The following PYGB variants were observed in gnomAD, a reference collection of about 807,000 sequenced individuals.
The protein encoded by PYGB is glycogen phosphorylase, brain form.
In PYGB, 82 loss-of-function variants were observed where a neutral mutation model predicts 94.3. The ratio of observed to expected loss-of-function variants is 0.87; its 90% CI spans 0.73 to 1.04. The LOEUF (loss-of-function observed/expected upper bound fraction) is 1.04, where lower values mean the gene tolerates loss of function less well. PYGB is among the 50% of genes least tolerant of loss of function. The pLI is 0.00. For synonymous variants in PYGB, 488 were observed against 479.1 expected (o/e 1.02, Z -0.24); for missense variants, 1,132 against 1,158.2 (o/e 0.98, Z 0.33).
intron 4 of PYGB, among the ~76,000 whole-genome samples, chr20:25,273,514 T>G (rs2088284598): frequency 6.6e-6 from 1 of 152,200 alleles, no homozygotes; most frequent in South Asian, 2.1e-4. Context: ...AGACTTGATC[T>G]CATTTCAGTT....
intron 15 of PYGB, 84 bp downstream of exon 15, chr20:25,288,567 A>G: frequency 6.8e-7 from 1 of 1,469,158 alleles, no homozygotes; most frequent in Non-Finnish European, 9.4e-7. Context: ...TCATGGTGCC[A>G]CCACATCCAT....
chr20:25,254,070 T>G (rs2092896086), intron 1 of PYGB, among the ~76,000 whole-genome samples: 1 of 79,158 alleles, frequency 1.3e-5, no homozygotes, highest in Non-Finnish European at 2.3e-5. Context: ...AGACTCTGTC[T>G]CAAAAAAAAA....
At chr20:25,252,488 T>G (rs2092890847) in intron 1 of PYGB, among the ~76,000 whole-genome samples, 2 of 152,230 alleles carry the variant, frequency 1.3e-5, no homozygotes, top group South Asian at 4.1e-4. Context: ...ACAAGACTTC[T>G]CCACCCCAGA....
intron 14 of PYGB, among the ~76,000 whole-genome samples, chr20:25,285,753 G>A (rs2123586447): frequency 6.6e-6 from 1 of 152,162 alleles, no homozygotes; most frequent in East Asian, 1.9e-4. Context: ...CCCACTGTCA[G>A]AGCTCACAGC....
At chr20:25,251,884 T>C (rs1032659992) in intron 1 of PYGB, among the ~76,000 whole-genome samples, 13 of 152,310 alleles carry the variant, frequency 8.5e-5, no homozygotes, top group South Asian at 2.1e-4. Flanking sequence ...CCTAATGAGA[T>C]AAACACAATG....
intron 15 of PYGB, among the ~76,000 whole-genome samples, chr20:25,289,188 C>T (rs973934370): frequency 2.6e-5 from 4 of 152,214 alleles, no homozygotes; most frequent in African/African-American, 7.2e-5. Flanking sequence ...GGTGGGCACT[C>T]CTCTGGGCTC....
At chr20:25,261,814 C>T (rs913921582) in intron 2 of PYGB, among the ~76,000 whole-genome samples, 56 of 152,214 alleles carry the variant, frequency 3.7e-4, no homozygotes, top group Non-Finnish European at 6.6e-4. Context: ...AACCATGGCA[C>T]GAGAACTACA....
intron 19 of PYGB, 36 bp downstream of exon 19, chr20:25,295,706 T>C: frequency 1.3e-6 from 2 of 1,577,892 alleles, no homozygotes; most frequent in Non-Finnish European, 1.7e-6. Flanking sequence ...GGGGAGCAGC[T>C]GGGTGGGTCC....
chr20:25,290,392 ACCCCCCTACAGACCC>A (rs926310349), intron 15 of PYGB, 74 bp from the exon 16 acceptor site: 338 of 1,504,632 alleles, frequency 2.2e-4, no homozygotes, highest in Non-Finnish European at 3.0e-4. Flanking sequence ...CTCTAGCCTC[ACCCCCCTACAGACCC>A]CAGGAACCAG....
chr20:25,256,052 C>T (rs912774618), intron 1 of PYGB, among the ~76,000 whole-genome samples: 3 of 152,156 alleles, frequency 2.0e-5, no homozygotes, highest in Admixed American at 6.5e-5. Flanking sequence ...TCTTTTGTTT[C>T]CCTGAATGTT....
In PYGB at chr20:25,296,594, A is replaced by G; in HGVS notation, c.*72A>G. On this transcript the variant is annotated 3_prime_UTR_variant, in exon 20 of 20. Coordinates refer to ENST00000216962, the MANE Select transcript of PYGB (RefSeq NM_002862.4). ...ACTTTGCACCTCCTTTTTTCCCCAA[A>G]CACTTTGCCAGCCACTGGTGGTCCC... 2 of 1,527,284 alleles carry G rather than the reference A, an allele frequency of 1.3e-6. No individual in the cohort carries two copies. The highest frequency in any genetic ancestry group is 1.2e-5 in the South Asian group (1 of 80,614). 94.6% of individuals were successfully genotyped at this position (1,527,284 alleles called of 1,614,324 possible). A position where few individuals can be genotyped will look rare whatever the true frequency, so the allele number is the denominator to read the frequency against.
intron 16 of PYGB, 94 bp downstream of exon 16, chr20:25,290,716 G>T: frequency 3.3e-6 from 5 of 1,517,124 alleles, no homozygotes; most frequent in Non-Finnish European, 4.5e-6. Flanking sequence ...AGCCAGTTCA[G>T]CTCTGCCTGG....
rs200280321 is a variant in PYGB, at chr20:25,296,864, C to T, written c.*342C>T. On this transcript the variant is annotated 3_prime_UTR_variant, in exon 20 of 20. Transcript: ENST00000216962. ...TGCACACATCTTGCTATGTATTAGC[C>T]GATGTCTTTAGTGTTGAGCCTCTGG... is the stretch of plus-strand genomic sequence containing the variant. The T allele has an allele frequency of 5.9e-4, 160 of 272,348 alleles. No homozygotes were observed. The highest frequency in any genetic ancestry group is 4.7e-3 in the South Asian group (100 of 21,464). The allele number at this position is 272,348 out of a possible 1,614,324, so 16.9% of individuals were successfully genotyped here.
intron 18 of PYGB, 43 bp from the exon 19 acceptor site, chr20:25,295,561 G>A (rs1413102283): frequency 3.8e-6 from 6 of 1,579,938 alleles, no homozygotes; most frequent in African/African-American, 1.3e-5. Context: ...GTGTGGGCAG[G>A]GCTCCCTGCT....
At chr20:25,264,588 A>G (rs968768276) in intron 2 of PYGB, among the ~76,000 whole-genome samples, 3 of 152,234 alleles carry the variant, frequency 2.0e-5, no homozygotes, top group Non-Finnish European at 4.4e-5. Context: ...CTCAGGATAC[A>G]AAATCAATGT....
At chr20:25,271,526 G>T (rs201568839) in intron 4 of PYGB, 40 bp downstream of exon 4, 1 of 1,572,546 alleles carries the variant, frequency 6.4e-7, no homozygotes, top group South Asian at 1.1e-5. Context: ...TCCAGCTCTC[G>T]TTCACACAAT....
rs759520384 is a variant in PYGB, at chr20:25,248,163, C to T, written c.-16C>T. On this transcript the variant is annotated 5_prime_UTR_variant, in exon 1 of 20. Transcript: ENST00000216962. ...CTTTCCTCCTCCATCTCTTTTCCTC[C>T]GCCTCCGCCGGCGCGATGGCGAAGC... 6.3e-7 allele frequency: 1 copy of T among 1,581,768 alleles called. No individual in the cohort carries two copies. The highest frequency in any genetic ancestry group is 8.6e-7 in the Non-Finnish European group (1 of 1,164,632).
intron 14 of PYGB, among the ~76,000 whole-genome samples, chr20:25,286,232 G>T (rs1040094299): frequency 6.6e-6 from 1 of 152,212 alleles, no homozygotes; most frequent in Admixed American, 6.5e-5. Context: ...GTTCTGTTTG[G>T]TTTTCTGCTT....
intron 4 of PYGB, among the ~76,000 whole-genome samples, chr20:25,272,429 C>T (rs918090275): frequency 5.3e-5 from 8 of 152,168 alleles, no homozygotes; most frequent in East Asian, 1.9e-4. Context: ...AAAACATAAA[C>T]GCAAGGAGCT....
Sources: allele counts gnomAD v4.1 joint callset (sites outside exome capture counted in the v4.1 genomes callset), GRCh38; gene constraint gnomAD v4.1.1; transcripts MANE v1.5; gene names NCBI Gene and HGNC (gene_info 2026-07-23, HGNC 2026-07-21).